The following TMEM132D variants were observed in gnomAD, a reference collection of about 807,000 sequenced individuals.
The protein encoded by TMEM132D is transmembrane protein 132D, also known as mature OL transmembrane protein.
TMEM132D carries 21 observed loss-of-function variants against 62.3 expected under a neutral mutation model. The ratio of observed to expected loss-of-function variants is 0.34; its 90% CI spans 0.24 to 0.49. The LOEUF is 0.49. Ranked by LOEUF, TMEM132D falls within the 20% of genes least tolerant of loss-of-function variation. TMEM132D has a pLI of 0.99. For synonymous variants in TMEM132D, 621 were observed against 575.6 expected (o/e 1.08, Z -1.13); for missense variants, 1,346 against 1,402.8 (o/e 0.96, Z 0.65).
intron 1 of TMEM132D, among the ~76,000 whole-genome samples, chr12:129,716,011 C>T (rs140587760): frequency 6.6e-6 from 1 of 152,308 alleles, no homozygotes; most frequent in East Asian, 1.9e-4. Context: ...TCAACCTAAA[C>T]AAAAGTCCTC....
chr12:129,765,760 ATC>A, intron 1 of TMEM132D, among the ~76,000 whole-genome samples: 1 of 152,126 alleles, frequency 6.6e-6, no homozygotes, highest in Non-Finnish European at 1.5e-5. Context: ...TGGTTATAAC[ATC>A]TGTTTGGTAT....
chr12:129,407,827 G>A (rs1268831219), intron 3 of TMEM132D, among the ~76,000 whole-genome samples: 2 of 151,358 alleles, frequency 1.3e-5, no homozygotes, highest in African/African-American at 4.9e-5. Context: ...GTGCAAACCC[G>A]GGAGGCGAGC....
At chr12:129,101,843 G>A (rs879578372) in intron 5 of TMEM132D, among the ~76,000 whole-genome samples, 6 of 152,234 alleles carry the variant, frequency 3.9e-5, no homozygotes, top group Middle Eastern at 3.4e-3. Flanking sequence ...GTCCTTTGAC[G>A]TATTTCGGAC....
intron 3 of TMEM132D, among the ~76,000 whole-genome samples, chr12:129,490,271 A>G (rs1332448649): frequency 6.6e-6 from 1 of 152,154 alleles, no homozygotes; most frequent in East Asian, 1.9e-4. Flanking sequence ...CAGTGCACTC[A>G]ATAATATTTG....
chr12:129,395,899 A>G (rs1297972666), intron 3 of TMEM132D, among the ~76,000 whole-genome samples: 3 of 136,096 alleles, frequency 2.2e-5, no homozygotes, highest in Non-Finnish European at 1.6e-5. Context: ...AACATTTATA[A>G]TATACTATAT....
chr12:129,105,016 T>C (rs111779565), intron 5 of TMEM132D, among the ~76,000 whole-genome samples: 5 of 144,822 alleles, frequency 3.5e-5, no homozygotes, highest in African/African-American at 1.1e-4. Flanking sequence ...CTGGAAATAC[T>C]ATTTGACCCA....
At chr12:129,583,831 G>C (rs1877945541) in intron 2 of TMEM132D, among the ~76,000 whole-genome samples, 1 of 152,192 alleles carries the variant, frequency 6.6e-6, no homozygotes, top group African/African-American at 2.4e-5. Context: ...CCAACACACT[G>C]AGTGTTTTCA....
At chr12:129,081,647 T>G (rs1874449194) in intron 7 of TMEM132D, 112 bp downstream of exon 7, 1 of 1,435,128 alleles carries the variant, frequency 7.0e-7, no homozygotes, top group Admixed American at 2.5e-5. Flanking sequence ...TTACCCATCC[T>G]AAAAATAGAT....
chr12:129,384,782 C>A (rs761301790), intron 3 of TMEM132D, among the ~76,000 whole-genome samples: 2 of 152,160 alleles, frequency 1.3e-5, no homozygotes. Flanking sequence ...GTCTGTGAAG[C>A]ACAGGGCAAC....
chr12:129,519,009 G>A (rs1344714725), intron 3 of TMEM132D, among the ~76,000 whole-genome samples: 2 of 152,180 alleles, frequency 1.3e-5, no homozygotes, highest in Admixed American at 1.3e-4. Context: ...TGTGAAGTTT[G>A]AATAGAATAC....
intron 5 of TMEM132D, among the ~76,000 whole-genome samples, chr12:129,126,645 G>T (rs1227307393): frequency 6.6e-6 from 1 of 152,128 alleles, no homozygotes; most frequent in African/African-American, 2.4e-5. Context: ...ACATACATAC[G>T]CGTTTGGCAG....
At chr12:129,699,788 C>G (rs924807042) in intron 2 of TMEM132D, 22 bp downstream of exon 2, 1 of 1,610,260 alleles carries the variant, frequency 6.2e-7, no homozygotes, top group Non-Finnish European at 8.5e-7. Context: ...CGGGTACAGA[C>G]AGACATTGGG....
chr12:129,771,270 A>T (rs1593155674), intron 1 of TMEM132D, among the ~76,000 whole-genome samples: 1 of 152,170 alleles, frequency 6.6e-6, no homozygotes, highest in Non-Finnish European at 1.5e-5. Flanking sequence ...TCTACCGCAT[A>T]CCAACTGTGC....
chr12:129,641,922 TA>T (rs1357050913), intron 2 of TMEM132D, among the ~76,000 whole-genome samples: 1 of 152,202 alleles, frequency 6.6e-6, no homozygotes, highest in Non-Finnish European at 1.5e-5. Flanking sequence ...GCTCATTTTG[TA>T]ACTTACTGAG....
chr12:129,860,916 G>C (rs915315080), intron 1 of TMEM132D, among the ~76,000 whole-genome samples: 5 of 152,152 alleles, frequency 3.3e-5, no homozygotes, highest in African/African-American at 1.2e-4. Context: ...CTGCCTCCAT[G>C]ATTCAATTAT....
intron 3 of TMEM132D, among the ~76,000 whole-genome samples, chr12:129,343,575 T>C (rs1044683330): frequency 2.0e-5 from 3 of 151,978 alleles, no homozygotes; most frequent in Non-Finnish European, 4.4e-5. Context: ...TAAAGTATAA[T>C]AATAATAAAA....
At chr12:129,148,354 AGG>A (rs1221919687) in intron 5 of TMEM132D, among the ~76,000 whole-genome samples, 1 of 152,174 alleles carries the variant, frequency 6.6e-6, no homozygotes, top group African/African-American at 2.4e-5. Context: ...GATGTGATTA[AGG>A]GTTTTAAAAT....
chr12:129,325,799 T>C (rs1305011894), intron 4 of TMEM132D, among the ~76,000 whole-genome samples: 2 of 152,200 alleles, frequency 1.3e-5, no homozygotes, highest in East Asian at 1.9e-4. Context: ...CTTAAATCAG[T>C]TTCCAGTTCT....
rs1235923734 is a variant in TMEM132D, at chr12:129,531,071, C to A, written c.1103G>T (p.Gly368Val). ...AVIVCQKKAA[G>V]SENSADGASY... is the part of the protein sequence containing the mutation. ...AGTTGGGACTCACCTGTTTTCTGAGCCAGCTGCTTTCTTCTGACAAACGAT... is the reference window on the plus strand; with the variant it reads ...AGTTGGGACTCACCTGTTTTCTGAGACAGCTGCTTTCTTCTGACAAACGAT... The change falls in exon 3 of 9, where the codon GGC becomes GTC. Residue 368 changes from glycine (G) to valine (V), a missense_variant. By Grantham distance (109) the Gly-to-Val change is moderately radical. Transcript: ENST00000422113. The A allele has an allele frequency of 1.2e-6, 2 of 1,612,472 alleles. No individual in the cohort carries two copies. The highest frequency in any genetic ancestry group is 1.7e-6 in the Non-Finnish European group (2 of 1,178,948).
Sources: gnomAD v4.1 joint callset for allele counts (sites outside exome capture counted in the v4.1 genomes callset) on GRCh38, gnomAD v4.1.1 for gene constraint, MANE v1.5 for transcripts, NCBI Gene and HGNC (gene_info 2026-07-23, HGNC 2026-07-21) for gene names.